The following UMODL1 variants were observed in gnomAD, a reference collection of about 807,000 sequenced individuals.
UMODL1 encodes uromodulin-like 1.
Under a neutral mutation model 136.3 loss-of-function variants are expected in UMODL1, and 128 were observed. That is an observed-to-expected ratio of 0.94 (90% confidence interval 0.81 to 1.09). The LOEUF (loss-of-function observed/expected upper bound fraction) is 1.09, where lower values mean the gene tolerates loss of function less well. Ranked by LOEUF, UMODL1 falls within the 50% of genes least tolerant of loss-of-function variation. UMODL1 has a pLI of 0.00. For synonymous variants in UMODL1, 721 were observed against 720.0 expected (o/e 1.00, Z -0.02); for missense variants, 1,766 against 1,725.6 (o/e 1.02, Z -0.41).
chr21:42,134,415 G>A (rs1240908374), intron 21 of UMODL1, among the ~76,000 whole-genome samples: 1 of 152,072 alleles, frequency 6.6e-6, no homozygotes, highest in Admixed American at 6.5e-5. Context: ...ATGTCCCTGT[G>A]CTAAAAGGCC....
chr21:42,109,586 C>T lies in UMODL1; in HGVS notation c.1544C>T (p.Ala515Val), dbSNP rs756029878. 126 of 1,611,568 alleles carry T rather than the reference C, an allele frequency of 7.8e-5. No homozygotes were observed. Among genetic ancestry groups the T allele is most frequent in the Non-Finnish European group, 1.0e-4 (120 of 1,180,034 alleles). Reference sequence around the variant, plus strand: ...GACTGGGACGAGTGTGTGGACAGCGCGGAACACGACTGCTCACCGGCTGCC... The same window carrying T: ...GACTGGGACGAGTGTGTGGACAGCGTGGAACACGACTGCTCACCGGCTGCC... ...VQDWDECVDS[A>V]EHDCSPAAWC... Residue 515 changes from alanine to valine, a missense_variant, in exon 10 of 23, where the codon GCG becomes GTG. Coordinates refer to ENST00000408910, the MANE Select transcript of UMODL1 (RefSeq NM_001004416.3).
At chr21:42,102,514 T>C (rs2066649548) in intron 8 of UMODL1, 1 of 360,080 alleles carries the variant, frequency 2.8e-6, no homozygotes, top group Middle Eastern at 8.1e-4. Context: ...GATATGTGCC[T>C]TTATTCAAAT....
chr21:42,096,352 A>G (rs1408081880), intron 6 of UMODL1, among the ~76,000 whole-genome samples: 1 of 152,204 alleles, frequency 6.6e-6, no homozygotes, highest in African/African-American at 2.4e-5. Flanking sequence ...GGAGGGCTTC[A>G]CAGCATTTGA....
intron 2 of UMODL1, among the ~76,000 whole-genome samples, chr21:42,079,072 T>C (rs919400886): frequency 6.6e-6 from 1 of 152,170 alleles, no homozygotes; most frequent in African/African-American, 2.4e-5. Flanking sequence ...TGTCCAGTCT[T>C]ACCTGTGAAG....
chr21:42,139,296 A>T (rs1475807808), intron 22 of UMODL1, among the ~76,000 whole-genome samples: 1 of 152,200 alleles, frequency 6.6e-6, no homozygotes, highest in Non-Finnish European at 1.5e-5. Flanking sequence ...ACTTACAATC[A>T]TGGCAGAAGA....
chr21:42,127,640 C>T, intron 19 of UMODL1, 32 bp from the exon 20 acceptor site: 1 of 1,600,136 alleles, frequency 6.2e-7, no homozygotes, highest in Non-Finnish European at 8.5e-7. Flanking sequence ...GGCTCGCTGA[C>T]AAGCAAGGAG....
chr21:42,117,371 T>C (rs1043152258), intron 14 of UMODL1, among the ~76,000 whole-genome samples: 6 of 152,214 alleles, frequency 3.9e-5, no homozygotes, highest in African/African-American at 1.4e-4. Flanking sequence ...CTGTCTGTTA[T>C]AAATAGTGCT....
At chr21:42,083,704 G>C (rs553193703) in intron 2 of UMODL1, among the ~76,000 whole-genome samples, 5 of 152,268 alleles carry the variant, frequency 3.3e-5, no homozygotes, top group African/African-American at 1.2e-4. Flanking sequence ...CATTGTGCCC[G>C]GCACATAGCA....
rs1274722957 is a variant in UMODL1, at chr21:42,099,513, A to C, written c.1186+333A>C. ...AACAAAATAATAATAATAAAGCAGAAGGCGGCAGCTCCTGGCAGGCAGATC... is the reference window on the plus strand; with the variant it reads ...AACAAAATAATAATAATAAAGCAGACGGCGGCAGCTCCTGGCAGGCAGATC... On this transcript the variant is annotated intron_variant, in intron 7 of 22. Coordinates refer to ENST00000408910, the MANE Select transcript of UMODL1 (RefSeq NM_001004416.3). The surrounding 1 kb of genome is among the most constrained non-coding windows in gnomAD (Gnocchi z 4.1). 6.6e-6 allele frequency among the ~76,000 whole-genome samples: 1 copy of C among 152,136 alleles called. No individual in the cohort carries two copies. Among genetic ancestry groups the C allele is most frequent in the Non-Finnish European group, 1.5e-5 (1 of 68,012 alleles).
intron 21 of UMODL1, among the ~76,000 whole-genome samples, chr21:42,131,157 T>C (rs1261269504): frequency 6.6e-6 from 1 of 152,224 alleles, no homozygotes; most frequent in Non-Finnish European, 1.5e-5. Context: ...TCCATGTCCT[T>C]TAAGCCACTG....
chr21:42,123,181 A>T lies in UMODL1; in HGVS notation c.3147+31A>T. 1 of 1,584,538 alleles carries T rather than the reference A, an allele frequency of 6.3e-7. No individual in the cohort carries two copies. The highest frequency in any genetic ancestry group is 2.2e-5 in the East Asian group (1 of 44,534). On this transcript the variant is annotated intron_variant, in intron 17 of 22. Coordinates refer to ENST00000408910, the MANE Select transcript of UMODL1 (RefSeq NM_001004416.3). This position sits in a 1 kb window ranked among gnomAD's most constrained non-coding sequence, Gnocchi z 4.4. Reference sequence around the variant, plus strand: ...ACCAGGAGAGCCAGGCTCAGGATGTACACTAGGGCGCAAGGGGCTCTAGGT... The same window carrying T: ...ACCAGGAGAGCCAGGCTCAGGATGTTCACTAGGGCGCAAGGGGCTCTAGGT...
rs760414008 is a variant in UMODL1, at chr21:42,085,389, C to T, written c.580C>T (p.His194Tyr). Residue 194 changes from histidine (H) to tyrosine (Y), a missense_variant, in exon 4 of 23, where the codon CAC becomes TAC. Coordinates refer to ENST00000408910, the MANE Select transcript of UMODL1 (RefSeq NM_001004416.3). The surrounding 1 kb of genome is among the most constrained non-coding windows in gnomAD (Gnocchi z 4.5). ...LQQVDPRLLN[H>Y]MRLLHSLVTS... is the part of the protein sequence containing the mutation. Reference sequence around the variant, plus strand: ...GCAAGTGGACCCCAGGCTCCTGAACCACATGCGCCTTCTGCATTCCTTGGT... The same window carrying T: ...GCAAGTGGACCCCAGGCTCCTGAACTACATGCGCCTTCTGCATTCCTTGGT... The T allele has an allele frequency of 6.2e-7, 1 of 1,614,054 alleles. No individual in the cohort carries two copies. The highest frequency in any genetic ancestry group is 1.7e-5 in the Admixed American group (1 of 60,020).
At chr21:42,137,152 G>T (rs1413735872) in intron 21 of UMODL1, among the ~76,000 whole-genome samples, 1 of 152,232 alleles carries the variant, frequency 6.6e-6, no homozygotes, top group Non-Finnish European at 1.5e-5. Flanking sequence ...TGTCCATGCA[G>T]GGAATCTGAC....
Position 42,119,254 on chromosome 21 carries a change from A to G in UMODL1, c.2619A>G (p.Ser873=), listed in dbSNP as rs552935703. The G allele has an allele frequency of 1.2e-5, 20 of 1,614,224 alleles. No individual in the cohort carries two copies. In the African/African-American group the frequency reaches 2.0e-4, roughly 16 times the overall value. Reference sequence around the variant, plus strand: ...CAGATGTGGATGTCCAGGAGGTGTCAGCTGCATTTCTCACCGCCTTCCAGA... The same window carrying G: ...CAGATGTGGATGTCCAGGAGGTGTCGGCTGCATTTCTCACCGCCTTCCAGA... ...IIADVDVQEV[S]AAFLTAFQTV... is the part of the protein sequence containing the mutation. The change falls in exon 15 of 23, where the codon TCA becomes TCG. Residue 873 remains serine (S), a synonymous_variant. Coordinates refer to ENST00000408910, the MANE Select transcript of UMODL1 (RefSeq NM_001004416.3).
intron 2 of UMODL1, among the ~76,000 whole-genome samples, chr21:42,083,490 C>T (rs1049723784): frequency 6.6e-6 from 1 of 152,244 alleles, no homozygotes; most frequent in Non-Finnish European, 1.5e-5. Flanking sequence ...GCCTTGTGGG[C>T]GCCAGGGCTG....
Position 42,076,208 on chromosome 21 carries a change from T to C in UMODL1, c.280T>C (p.Cys94Arg), listed in dbSNP as rs758992449. 2.5e-6 allele frequency: 4 copies of C among 1,614,246 alleles called. No individual in the cohort carries two copies. The highest frequency in any genetic ancestry group is 3.4e-6 in the Non-Finnish European group (4 of 1,180,032). Reference protein sequence around the residue: ...VPESRNVTDCCEGYEQLGLYC... With the variant: ...VPESRNVTDCREGYEQLGLYC... ...CGAGTCCAGGAACGTGACTGACTGCTGTGAGGGCTATGAACAGCTCGGCCT... is the reference window on the plus strand; with the variant it reads ...CGAGTCCAGGAACGTGACTGACTGCCGTGAGGGCTATGAACAGCTCGGCCT... The change falls in exon 2 of 23, where the codon TGT becomes CGT. Residue 94 changes from cysteine to arginine, a missense_variant. Transcript: ENST00000408910.
intron 6 of UMODL1, chr21:42,093,747 C>T (rs750513570): frequency 7.8e-6 from 3 of 385,204 alleles, no homozygotes; most frequent in South Asian, 1.9e-5. Flanking sequence ...ACTCCACAAA[C>T]GTTTCCTGGA....
intron 12 of UMODL1, chr21:42,113,207 C>G: frequency 5.5e-6 from 1 of 180,352 alleles, no homozygotes; most frequent in Non-Finnish European, 1.2e-5. Context: ...CCTAGTTGGA[C>G]CCTGGGTAAA....
chr21:42,084,645 C>T lies in UMODL1; in HGVS notation c.481+400C>T, dbSNP rs963922114. 9.9e-5 allele frequency among the ~76,000 whole-genome samples: 15 copies of T among 152,108 alleles called. No homozygotes were observed. The East Asian group carries it at 2.5e-3, about 25-fold the overall frequency. ...GGCAGGCCCTGCCACCTCAGATATG[C>T]GCCTGCTGGTCTGGAAAGTTCTCTT... On this transcript the variant is annotated intron_variant, in intron 3 of 22. Transcript: ENST00000408910.
Sources: allele counts gnomAD v4.1 joint callset (sites outside exome capture counted in the v4.1 genomes callset), GRCh38; gene constraint gnomAD v4.1.1; non-coding constraint Gnocchi (gnomAD v3.1); transcripts MANE v1.5; gene names NCBI Gene and HGNC (gene_info 2026-07-23, HGNC 2026-07-21).